The following PDE1C variants were observed in gnomAD, a reference collection of about 807,000 sequenced individuals.
PDE1C encodes dual specificity calcium/calmodulin-dependent 3',5'-cyclic nucleotide phosphodiesterase 1C.
Under a neutral mutation model 93.1 loss-of-function variants are expected in PDE1C, and 62 were observed. That is an observed-to-expected ratio of 0.67 (90% CI 0.54 to 0.82). PDE1C has a LOEUF of 0.82. Among genes scored for constraint, PDE1C ranks in the 40% least tolerant of loss-of-function variants. The pLI is 0.00. For missense variants in PDE1C, 742 were observed against 884.6 expected, an observed-to-expected ratio of 0.84 and a Z score of 2.04; for synonymous variants, 325 against 310.1, an observed-to-expected ratio of 1.05 and a Z score of -0.50.
At chr7:31,796,125 A>C (rs1018956530) in intron 16 of PDE1C, among the ~76,000 whole-genome samples, 1 of 150,354 alleles carries the variant, frequency 6.7e-6, no homozygotes, top group Non-Finnish European at 1.5e-5. Flanking sequence ...ATATATATGT[A>C]TATGTATATA....
intron 9 of PDE1C, among the ~76,000 whole-genome samples, chr7:31,840,282 T>A (rs142779701): frequency 6.6e-6 from 1 of 152,168 alleles, no homozygotes; most frequent in Non-Finnish European, 1.5e-5. Context: ...TTTAGGGAAA[T>A]GTCTGTTTCA....
intron 3 of PDE1C, among the ~76,000 whole-genome samples, chr7:32,123,087 G>A (rs1260423081): frequency 6.6e-5 from 10 of 151,794 alleles, no homozygotes; most frequent in Admixed American, 2.6e-4. Context: ...TAAATACCTC[G>A]ACACAAATAA....
chr7:31,978,087 C>T (rs142663859), intron 2 of PDE1C, among the ~76,000 whole-genome samples: 3 of 152,268 alleles, frequency 2.0e-5, no homozygotes, highest in East Asian at 3.9e-4. Flanking sequence ...GGTTCAAATC[C>T]AGGCTGTCCA....
chr7:32,268,382 A>G (rs1810753333), intron 1 of PDE1C, among the ~76,000 whole-genome samples: 1 of 152,210 alleles, frequency 6.6e-6, no homozygotes, highest in African/African-American at 2.4e-5. Context: ...CTCTACTAGA[A>G]AATGAGACTA....
Position 31,892,994 on chromosome 7 carries a change from A to T in PDE1C, c.129-12134T>A, listed in dbSNP as rs986814441. Among the ~76,000 whole-genome samples the T allele has an allele frequency of 2.0e-4, 30 of 152,222 alleles. 1 individual carries two copies. Among genetic ancestry groups the T allele is most frequent in the South Asian group, 2.1e-4 (1 of 4,826 alleles). ...TTGATTTAATCACTCCACAATCTAT[A>T]TAGGTATTGAAACATCACATTGTAC... On this transcript the variant is annotated intron_variant, in intron 2 of 17. Coordinates refer to ENST00000396191, the MANE Select transcript of PDE1C (RefSeq NM_001191057.4).
intron 2 of PDE1C, among the ~76,000 whole-genome samples, chr7:31,942,872 T>C (rs1806041208): frequency 6.6e-6 from 1 of 152,206 alleles, no homozygotes; most frequent in South Asian, 2.1e-4. Context: ...AATATTTTTC[T>C]GCTGATAAGT....
intron 1 of PDE1C, among the ~76,000 whole-genome samples, chr7:32,341,310 G>A (rs1783749792): frequency 6.8e-6 from 1 of 146,796 alleles, no homozygotes; most frequent in Admixed American, 7.0e-5. Flanking sequence ...CGAGTAGCTG[G>A]GACTACAGGC....
the PDE1C span, among the ~76,000 whole-genome samples, chr7:31,720,280 C>T: frequency 6.6e-6 from 1 of 151,608 alleles, no homozygotes; most frequent in South Asian, 2.1e-4. Context: ...ACCCACCTTA[C>T]CGCCCCCCTC....
At chr7:32,324,752 C>T (rs1043390021) in intron 1 of PDE1C, among the ~76,000 whole-genome samples, 3 of 152,150 alleles carry the variant, frequency 2.0e-5, no homozygotes, top group Admixed American at 2.0e-4. Flanking sequence ...AACTAGAGAC[C>T]AGCCTGGGCT....
At chr7:32,153,687 G>T (rs1801395867) in intron 3 of PDE1C, among the ~76,000 whole-genome samples, 1 of 152,228 alleles carries the variant, frequency 6.6e-6, no homozygotes, top group African/African-American at 2.4e-5. Flanking sequence ...GAACAGGATA[G>T]AGCCCACGTA....
intron 16 of PDE1C, chr7:31,783,694 C>G (rs1463936913): frequency 6.6e-6 from 1 of 152,022 alleles, no homozygotes; most frequent in East Asian, 1.9e-4. Context: ...GCTCAGTATA[C>G]TCTGTTTTAC....
intron 3 of PDE1C, among the ~76,000 whole-genome samples, chr7:32,162,057 A>G (rs1333607917): frequency 1.3e-5 from 2 of 152,214 alleles, no homozygotes; most frequent in Non-Finnish European, 2.9e-5. Context: ...GACCTTCTGT[A>G]TGAAGGTCAA....
chr7:31,910,870 A>T (rs762058337), intron 2 of PDE1C, among the ~76,000 whole-genome samples: 2 of 152,144 alleles, frequency 1.3e-5, no homozygotes, highest in African/African-American at 2.4e-5. Flanking sequence ...ACACCAGAAG[A>T]GTGTTTGCAA....
intron 1 of PDE1C, among the ~76,000 whole-genome samples, chr7:32,315,230 A>G (rs1783144012): frequency 6.6e-6 from 1 of 152,018 alleles, no homozygotes; most frequent in Admixed American, 6.6e-5. Context: ...AAGGACAAAA[A>G]GTTTAAATCA....
At chr7:31,838,411 C>T (rs980198516) in intron 9 of PDE1C, among the ~76,000 whole-genome samples, 2 of 152,084 alleles carry the variant, frequency 1.3e-5, no homozygotes, top group African/African-American at 2.4e-5. Context: ...AAAAATTGAG[C>T]TTATAGTATA....
intron 2 of PDE1C, among the ~76,000 whole-genome samples, chr7:32,194,616 G>A (rs576172898): frequency 2.0e-4 from 31 of 152,084 alleles, no homozygotes; most frequent in Non-Finnish European, 3.8e-4. Context: ...AGCCACTACA[G>A]GTTTCCTTCA....
intron 1 of PDE1C, among the ~76,000 whole-genome samples, chr7:32,055,390 T>C (rs924191570): frequency 6.6e-6 from 1 of 152,108 alleles, no homozygotes; most frequent in Non-Finnish European, 1.5e-5. Context: ...AGGTTCTACC[T>C]ACTTTCGACT....
rs141921291 is a variant in PDE1C, at chr7:31,882,924, G to A, written c.129-2064C>T. Among the ~76,000 whole-genome samples, 112 of 152,276 alleles carry A rather than the reference G, an allele frequency of 7.4e-4. 2 individuals carry two copies. Among genetic ancestry groups the A allele is most frequent in the African/African-American group, 2.6e-3 (107 of 41,560 alleles). ...TAAAGTAAAACCTGTATAAGCAGAT[G>A]AAAAGGGATCAAATACAATTTTTTA... On this transcript the variant is annotated intron_variant, in intron 2 of 17. Coordinates refer to ENST00000396191, the MANE Select transcript of PDE1C (RefSeq NM_001191057.4).
In PDE1C at chr7:32,159,777, C is replaced by T. The variant is rs115330064; in HGVS notation, c.308+10008G>A. ...CCTCTTCTCTCTCTGGAGGGATATC[C>T]GCCCAAAAACCGGAAGCTCTACACC... On this transcript the variant is annotated intron_variant, in intron 3 of 18. Transcript: ENST00000396193. Among the ~76,000 whole-genome samples, 600 of 150,952 alleles carry T rather than the reference C, an allele frequency of 4.0e-3. 2 individuals carry two copies. The highest frequency in any genetic ancestry group is 0.013 in the African/African-American group (538 of 41,060).
Sources: allele counts gnomAD v4.1 joint callset (sites outside exome capture counted in the v4.1 genomes callset), GRCh38; gene constraint gnomAD v4.1.1; transcripts MANE v1.5; gene names NCBI Gene and HGNC (gene_info 2026-07-23, HGNC 2026-07-21).